The following GRIN2A variants were observed in gnomAD, a reference collection of about 807,000 sequenced individuals.
GRIN2A encodes glutamate receptor ionotropic, NMDA 2A.
In GRIN2A, 22 loss-of-function variants were observed where a neutral mutation model predicts 113.4. That is an observed-to-expected ratio of 0.19 (90% CI 0.14 to 0.28). GRIN2A has a LOEUF of 0.28. GRIN2A is among the 10% of genes least tolerant of loss of function. The probability of loss-of-function intolerance (pLI) is 1.00; values close to 1 mark genes in which losing one functional copy is unlikely to be tolerated. For synonymous variants in GRIN2A, 827 were observed against 738.4 expected, an observed-to-expected ratio of 1.12 and a Z score of -1.94; for missense variants, 1,502 against 1,887.0, an observed-to-expected ratio of 0.80 and a Z score of 3.78.
intron 2 of GRIN2A, among the ~76,000 whole-genome samples, chr16:10,145,141 A>G (rs2049413096): frequency 6.6e-6 from 1 of 152,184 alleles, no homozygotes; most frequent in African/African-American, 2.4e-5. Flanking sequence ...GACTCATAGA[A>G]GCAGAGAATA....
At chr16:9,782,525 G>T (rs765287) in intron 11 of GRIN2A, among the ~76,000 whole-genome samples, 2 of 151,964 alleles carry the variant, frequency 1.3e-5, no homozygotes, top group Non-Finnish European at 2.9e-5. Flanking sequence ...AATTTTGCAC[G>T]AGCCTATGTG....
chr16:10,073,333 A>C (rs1483250359), intron 2 of GRIN2A, among the ~76,000 whole-genome samples: 1 of 152,188 alleles, frequency 6.6e-6, no homozygotes. Flanking sequence ...CATGGAAGAC[A>C]GAAAAATCAT....
chr16:10,109,764 G>C (rs887317288), intron 2 of GRIN2A, among the ~76,000 whole-genome samples: 1 of 151,916 alleles, frequency 6.6e-6, no homozygotes, highest in African/African-American at 2.4e-5. Flanking sequence ...TAACACAAAG[G>C]ATAAATGCTC....
chr16:10,012,958 G>A (rs1018399838), intron 2 of GRIN2A, among the ~76,000 whole-genome samples: 3 of 152,160 alleles, frequency 2.0e-5, no homozygotes, highest in Non-Finnish European at 4.4e-5. Flanking sequence ...TGTATCAACT[G>A]CAAACAATTG....
intron 2 of GRIN2A, among the ~76,000 whole-genome samples, chr16:10,145,692 T>C (rs1366216964): frequency 1.3e-5 from 2 of 152,226 alleles, no homozygotes; most frequent in Admixed American, 1.3e-4. Flanking sequence ...AGCATGCTTT[T>C]CTGTAAAGGG....
intron 4 of GRIN2A, among the ~76,000 whole-genome samples, chr16:9,857,341 A>G (rs957774069): frequency 6.6e-6 from 1 of 152,264 alleles, no homozygotes; most frequent in African/African-American, 2.4e-5. Flanking sequence ...CAAATATACC[A>G]TACTAATGTC....
At chr16:9,879,484 C>T (rs947014134) in intron 4 of GRIN2A, among the ~76,000 whole-genome samples, 1 of 152,226 alleles carries the variant, frequency 6.6e-6, no homozygotes, top group Admixed American at 6.5e-5. Flanking sequence ...AATGCCATGG[C>T]TTTCAGTTCT....
chr16:10,131,940 G>A (rs560703321), intron 2 of GRIN2A, among the ~76,000 whole-genome samples: 1 of 152,170 alleles, frequency 6.6e-6, no homozygotes, highest in East Asian at 1.9e-4. Context: ...GTCAGGCACT[G>A]CACTAAGCAT....
At chr16:10,115,433 C>A (rs2048712384) in intron 2 of GRIN2A, among the ~76,000 whole-genome samples, 1 of 152,200 alleles carries the variant, frequency 6.6e-6, no homozygotes, top group Admixed American at 6.5e-5. Context: ...TGACCCCACT[C>A]CTCTCTTGTC....
Position 10,039,011 on chromosome 16 carries a change from A to G in GRIN2A, c.415-100460T>C, listed in dbSNP as rs2047090480. ...GCCCCCTCATCCCCCAAACAGCAGC[A>G]AATTCACTGCGTGTTTACTTTAGCT... On this transcript the variant is annotated intron_variant, in intron 2 of 12. Coordinates refer to ENST00000330684, the MANE Select transcript of GRIN2A (RefSeq NM_001134407.3). Among the ~76,000 whole-genome samples the G allele has an allele frequency of 2.6e-5, 4 of 152,130 alleles. No individual in the cohort carries two copies. The South Asian group carries it at 6.2e-4, about 24-fold the overall frequency.
At chr16:10,055,996 T>C (rs9927914) in intron 2 of GRIN2A, among the ~76,000 whole-genome samples, 21,250 of 152,164 alleles carry the variant, frequency 0.14, 2,079 homozygotes, top group African/African-American at 0.27. Flanking sequence ...CCAGGCTGGA[T>C]ATTGCACCAA....
chr16:9,815,602 C>T (rs763688855), intron 10 of GRIN2A, among the ~76,000 whole-genome samples: 6 of 152,036 alleles, frequency 3.9e-5, no homozygotes, highest in Non-Finnish European at 8.8e-5. Flanking sequence ...AGTGGGATGG[C>T]TACTATTAGA....
At chr16:10,020,146 G>A (rs546625127) in intron 2 of GRIN2A, among the ~76,000 whole-genome samples, 1 of 152,198 alleles carries the variant, frequency 6.6e-6, no homozygotes, top group Non-Finnish European at 1.5e-5. Context: ...AGGTGCAGTG[G>A]CTCACGCCTG....
intron 2 of GRIN2A, 105 bp downstream of exon 2, chr16:10,179,893 C>CCCAAACAAAA: frequency 5.6e-6 from 4 of 719,818 alleles, no homozygotes; most frequent in East Asian, 3.6e-5. Context: ...CCCCCACCCC[C>CCCAAACAAAA]ACTTCACATC....
At chr16:10,031,101 T>C (rs17670923) in intron 2 of GRIN2A, among the ~76,000 whole-genome samples, 1 of 152,196 alleles carries the variant, frequency 6.6e-6, no homozygotes, top group Non-Finnish European at 1.5e-5. Context: ...GAATCGCACT[T>C]AGTTCACGTC....
rs571139679 is a variant in GRIN2A, at chr16:10,021,175, C to A, written c.415-82624G>T. Among the ~76,000 whole-genome samples the A allele has an allele frequency of 5.9e-5, 9 of 152,268 alleles. No individual in the cohort carries two copies. In the East Asian group the frequency reaches 1.7e-3, roughly 29 times the overall value. On this transcript the variant is annotated intron_variant, in intron 2 of 12. Coordinates refer to ENST00000330684, the MANE Select transcript of GRIN2A (RefSeq NM_001134407.3). ...GGGAGAGGGAAGACCACAGCTGGGTCCCCTAAGCAGCCTGTACCTTCCCAG... is the reference window on the plus strand; with the variant it reads ...GGGAGAGGGAAGACCACAGCTGGGTACCCTAAGCAGCCTGTACCTTCCCAG...
intron 11 of GRIN2A, among the ~76,000 whole-genome samples, chr16:9,787,904 C>T (rs1257815566): frequency 3.9e-5 from 6 of 152,170 alleles, no homozygotes; most frequent in African/African-American, 1.4e-4. Flanking sequence ...TCTGAGGACA[C>T]AGGGACCTAT....
At chr16:9,878,899 A>T (rs770744081) in intron 4 of GRIN2A, among the ~76,000 whole-genome samples, 5 of 152,028 alleles carry the variant, frequency 3.3e-5, no homozygotes, top group African/African-American at 7.2e-5. Flanking sequence ...TTGCACACAC[A>T]CATGCTTTGG....
intron 10 of GRIN2A, 139 bp downstream of exon 10, chr16:9,822,125 T>C: frequency 1.1e-6 from 1 of 926,392 alleles, no homozygotes; most frequent in Middle Eastern, 2.6e-4. Flanking sequence ...AAAACTGCCC[T>C]CAACTGGGGC....
Sources: gnomAD v4.1 joint callset for allele counts (sites outside exome capture counted in the v4.1 genomes callset) on GRCh38, gnomAD v4.1.1 for gene constraint, MANE v1.5 for transcripts, NCBI Gene and HGNC (gene_info 2026-07-23, HGNC 2026-07-21) for gene names.